Variants in HS6ST2 observed in about 807,000 individuals in gnomAD.
The protein encoded by HS6ST2 is heparan-sulfate 6-O-sulfotransferase 2.
HS6ST2 carries 17 observed loss-of-function variants against 33.0 expected under a neutral mutation model. The ratio of observed to expected loss-of-function variants is 0.52; its 90% CI spans 0.35 to 0.77. HS6ST2 has a LOEUF of 0.77. Ranked by LOEUF, HS6ST2 falls within the 30% of genes least tolerant of loss-of-function variation. The pLI is 0.01. For missense variants in HS6ST2, 519 were observed against 551.7 expected (o/e 0.94, Z 0.59); for synonymous variants, 248 against 237.1 (o/e 1.05, Z -0.42).
At chrX:132,641,642 C>T (rs1050573800) in intron 4 of HS6ST2, among the ~76,000 whole-genome samples, 9 of 112,832 alleles carry the variant, frequency 8.0e-5, no homozygotes, top group Non-Finnish European at 1.3e-4. Flanking sequence ...ATTTACAATG[C>T]ATGAAAACCA....
rs374752890 is a variant in HS6ST2, at chrX:132,627,409, T to A, written c.*814A>T. ...CAATTCAGAGAAGCCTTAAAATGAA[T>A]GAGAAGCAGCGCCAAAATGATTCCA... On this transcript the variant is annotated 3_prime_UTR_variant, in exon 5 of 5. Coordinates refer to ENST00000370833, the MANE Select transcript of HS6ST2 (RefSeq NM_001394073.1). 1.2e-4 allele frequency: 14 copies of A among 112,422 alleles called. No homozygotes were observed. In the East Asian group the frequency reaches 2.8e-3, roughly 22 times the overall value. 9.3% of individuals were successfully genotyped at this position (112,422 alleles called of 1,213,427 possible).
intron 4 of HS6ST2, among the ~76,000 whole-genome samples, chrX:132,647,081 T>C (rs1199507106): frequency 1.8e-5 from 2 of 111,163 alleles, no homozygotes; most frequent in East Asian, 5.7e-4. Context: ...AGCCAAACCA[T>C]ATCAGACTGC....
At chrX:132,894,918 C>T (rs935976256) in intron 2 of HS6ST2, among the ~76,000 whole-genome samples, 2 of 112,166 alleles carry the variant, frequency 1.8e-5, no homozygotes, top group Admixed American at 9.5e-5. Context: ...GGACAGAATA[C>T]AAGGCTAAAA....
intron 2 of HS6ST2, among the ~76,000 whole-genome samples, chrX:132,829,199 T>TATATATATACACAC (rs55664940): frequency 9.6e-5 from 7 of 73,294 alleles, no homozygotes; most frequent in African/African-American, 4.2e-4. Flanking sequence ...TATATATATA[T>TATATATATACACAC]ACATACTTAT....
intron 2 of HS6ST2, among the ~76,000 whole-genome samples, chrX:132,782,944 A>G (rs1369104764): frequency 8.9e-6 from 1 of 111,767 alleles, no homozygotes; most frequent in African/African-American, 3.3e-5. Context: ...GAAAGGTGAA[A>G]CTATGGAGAA....
In HS6ST2 at chrX:132,957,044, G is replaced by C; in HGVS notation, c.711C>G (p.Thr237=). The part of the protein sequence containing the change: ...DLIVFLHIQK[T]GGTTFGRHLV... ...AGTGGCGGCCGAAAGTGGTGCCCCC[G>C]GTCTTCTGGATGTGCAGGAACACGA... The change falls in exon 2 of 5, where the codon ACC becomes ACG. Residue 237 remains threonine, a synonymous_variant. Coordinates refer to ENST00000370833, the MANE Select transcript of HS6ST2 (RefSeq NM_001394073.1). The C allele has an allele frequency of 8.3e-7, 1 of 1,211,904 alleles. No individual in the cohort carries two copies. Among genetic ancestry groups the C allele is most frequent in the Non-Finnish European group, 1.1e-6 (1 of 895,461 alleles).
At chrX:132,630,046 C>A (rs1267711298) in intron 4 of HS6ST2, among the ~76,000 whole-genome samples, 3 of 111,929 alleles carry the variant, frequency 2.7e-5, no homozygotes, top group African/African-American at 6.5e-5. Flanking sequence ...CATGTTAACA[C>A]ACTCACACCA....
At chrX:132,709,812 A>ACACAC (rs2064215863) in intron 2 of HS6ST2, among the ~76,000 whole-genome samples, 1 of 92,195 alleles carries the variant, frequency 1.1e-5, no homozygotes, top group Non-Finnish European at 2.1e-5. Context: ...GAAAAGACAA[A>ACACAC]ACACACACAC....
chrX:132,889,672 A>T (rs1251874323), intron 2 of HS6ST2, among the ~76,000 whole-genome samples: 1 of 111,414 alleles, frequency 9.0e-6, no homozygotes, highest in Non-Finnish European at 1.9e-5. Context: ...AATGCAGATC[A>T]TCAAAGCTAG....
intron 2 of HS6ST2, among the ~76,000 whole-genome samples, chrX:132,716,640 C>T (rs1463923228): frequency 2.7e-5 from 3 of 112,043 alleles, no homozygotes; most frequent in African/African-American, 9.7e-5. Flanking sequence ...TCAGTTTGAT[C>T]ATATACATAC....
rs914410847 is a variant in HS6ST2, at chrX:132,825,450, A to G, written c.948-116956T>C. Reference sequence around the variant, plus strand: ...CAGCACTTGGGCAGCACCTTTGTCAATAGGGCTGGGGGGCGTCCCATTAAT... The same window carrying G: ...CAGCACTTGGGCAGCACCTTTGTCAGTAGGGCTGGGGGGCGTCCCATTAAT... On this transcript the variant is annotated intron_variant, in intron 2 of 4. Transcript: ENST00000370833. Among the ~76,000 whole-genome samples, 18 of 111,388 alleles carry G rather than the reference A, an allele frequency of 1.6e-4. No homozygotes were observed. In the Admixed American group the frequency reaches 1.6e-3, roughly 10 times the overall value.
At chrX:132,930,140 CGTT>C (rs765421634) in intron 2 of HS6ST2, among the ~76,000 whole-genome samples, 3 of 108,978 alleles carry the variant, frequency 2.8e-5, no homozygotes, top group Admixed American at 9.8e-5. Context: ...TTGCTTTTTT[CGTT>C]GTTGTTGTTG....
At chrX:132,720,356 GAC>G (rs2148263772) in intron 2 of HS6ST2, among the ~76,000 whole-genome samples, 1 of 110,964 alleles carries the variant, frequency 9.0e-6, no homozygotes, top group South Asian at 3.9e-4. Flanking sequence ...GTTTCCCACT[GAC>G]ATACATTCTG....
chrX:132,858,456 G>A (rs1042468124), intron 2 of HS6ST2, among the ~76,000 whole-genome samples: 1 of 112,075 alleles, frequency 8.9e-6, no homozygotes, highest in Non-Finnish European at 1.9e-5. Flanking sequence ...TACCTCCTGT[G>A]TTCCTAACAA....
intron 2 of HS6ST2, among the ~76,000 whole-genome samples, chrX:132,749,922 A>T (rs752763730): frequency 1.8e-5 from 2 of 111,219 alleles, no homozygotes; most frequent in Admixed American, 9.6e-5. Context: ...GTTAAGAGGA[A>T]CCTCTATACC....
intron 2 of HS6ST2, among the ~76,000 whole-genome samples, chrX:132,900,681 G>A (rs1169369831): frequency 2.7e-5 from 3 of 111,245 alleles, no homozygotes; most frequent in Non-Finnish European, 5.7e-5. Flanking sequence ...GTTTTCACAT[G>A]AATAATATAC....
chrX:132,959,543 G>A (rs2067127779), upstream of HS6ST2, among the ~76,000 whole-genome samples: 1 of 112,245 alleles, frequency 8.9e-6, no homozygotes, highest in African/African-American at 3.2e-5. Flanking sequence ...TGAGTCCTGG[G>A]GTGGGGGCAT....
intron 4 of HS6ST2, among the ~76,000 whole-genome samples, chrX:132,642,054 G>A (rs1179508285): frequency 8.9e-6 from 1 of 111,754 alleles, no homozygotes; most frequent in Non-Finnish European, 1.9e-5. Context: ...TCTAGATTGT[G>A]AGAAATCCAG....
intron 2 of HS6ST2, chrX:132,758,445 C>T (rs1401814167): frequency 1.8e-5 from 2 of 111,840 alleles, no homozygotes; most frequent in Admixed American, 1.9e-4. Flanking sequence ...TCCCAATCAC[C>T]ACCCATCAAA....
Sources: gnomAD v4.1 joint callset for allele counts (sites outside exome capture counted in the v4.1 genomes callset) on GRCh38, gnomAD v4.1.1 for gene constraint, MANE v1.5 for transcripts, NCBI Gene and HGNC (gene_info 2026-07-23, HGNC 2026-07-21) for gene names.